The following AWAT2 variants were observed in gnomAD, a reference collection of about 807,000 sequenced individuals.
AWAT2 encodes the protein acyl-CoA wax alcohol acyltransferase 2, also known as 11-cis-RE-synthase.
A neutral mutation model predicts 22.3 loss-of-function variants in AWAT2; 9 were observed. That is an observed-to-expected ratio of 0.40 (90% confidence interval 0.24 to 0.70). The LOEUF (loss-of-function observed/expected upper bound fraction) is 0.70. AWAT2 is among the 30% of genes least tolerant of loss of function. AWAT2 has a pLI of 0.36. For synonymous variants in AWAT2, 100 were observed against 93.4 expected (o/e 1.07, Z -0.40); for missense variants, 217 against 265.9 (o/e 0.82, Z 1.28).
chrX:70,043,342 A>G, intron 4 of AWAT2, 99 bp from the exon 5 acceptor site: 2 of 1,020,378 alleles, frequency 2.0e-6, no homozygotes, highest in Non-Finnish European at 2.7e-6. Flanking sequence ...GGAGCCTAAC[A>G]TCAGGCAGGT....
At chrX:70,044,647 G>A (rs2020351450) in intron 1 of AWAT2, among the ~76,000 whole-genome samples, 185 bp from the exon 2 acceptor site, 1 of 112,107 alleles carries the variant, frequency 8.9e-6, no homozygotes, top group African/African-American at 3.2e-5. Context: ...CTTCTATCTG[G>A]CCTTGGGAAC....
In AWAT2 at chrX:70,041,853, C is replaced by T; in HGVS notation, c.957G>A (p.Lys319=). The T allele has an allele frequency of 8.3e-7, 1 of 1,211,222 alleles. No homozygotes were observed. The highest frequency in any genetic ancestry group is 1.1e-6 in the Non-Finnish European group (1 of 895,121). ...GGGTCTCTGAGATACCAAACTTGGT[C>T]TTATGCTGGTCAAACAGTTTACGTA... The part of the protein sequence containing the change: ...DALRKLFDQH[K]TKFGISETQE... Residue 319 remains lysine, a synonymous_variant, in exon 7 of 8, where the codon AAG becomes AAA. Transcript: ENST00000276101.
chrX:70,047,483 C>G (rs1371451945), intron 1 of AWAT2, among the ~76,000 whole-genome samples: 1 of 111,994 alleles, frequency 8.9e-6, no homozygotes, highest in Admixed American at 9.4e-5. Flanking sequence ...CAAACCTAGG[C>G]AGTGCTGGGG....
Position 70,041,946 on chromosome X carries a change from T to A in AWAT2, c.864A>T (p.Pro288=). 1 of 1,210,968 alleles carries A rather than the reference T, an allele frequency of 8.3e-7. No individual in the cohort carries two copies. The highest frequency in any genetic ancestry group is 2.2e-5 in the Admixed American group (1 of 46,040). ...GGCTTGGATTCTCAATCTTGGGCAT[T>A]GGTAGAGGCTCCCCGACTGCCAGGG... The part of the protein sequence containing the change: ...PVTTIVGEPL[P]MPKIENPSQE... Residue 288 remains proline (P), a synonymous_variant, in exon 7 of 8, where the codon CCA becomes CCT. Coordinates refer to ENST00000276101, the MANE Select transcript of AWAT2 (RefSeq NM_001002254.1).
At position 70,041,465 on chromosome X, in the gene AWAT2, T is replaced by C; in HGVS notation, c.*193A>G. On this transcript the variant is annotated 3_prime_UTR_variant, in exon 8 of 8. Transcript: ENST00000276101. Reference sequence around the variant, plus strand: ...TCCCAGAGCCTTCAAAACAGAGTAGTTGGTGCACACGCAGTTATCAGAAGA... The same window carrying C: ...TCCCAGAGCCTTCAAAACAGAGTAGCTGGTGCACACGCAGTTATCAGAAGA... The C allele has an allele frequency of 6.1e-6, 1 of 165,231 alleles. No homozygotes were observed. The highest frequency in any genetic ancestry group is 1.1e-5 in the Non-Finnish European group (1 of 87,865). The allele number at this position is 165,231 out of a possible 1,213,427, so 13.6% of individuals were successfully genotyped here.
intron 6 of AWAT2, 63 bp from the exon 7 acceptor site, chrX:70,042,025 G>A: frequency 8.6e-7 from 1 of 1,158,796 alleles, no homozygotes; most frequent in Non-Finnish European, 1.2e-6. Context: ...CTCAGAATGG[G>A]CCCCAGGCTT....
chrX:70,041,884 T>C lies in AWAT2; in HGVS notation c.926A>G (p.Asp309Gly), dbSNP rs2020330679. ...CTGGTCAAACAGTTTACGTAGGGCA[T>C]CAATATAGAGTGTGTGATATTTAGC... The part of the protein sequence containing the change: ...IVAKYHTLYI[D>G]ALRKLFDQHK... The change falls in exon 7 of 8, where the codon GAT becomes GGT. Residue 309 changes from aspartate to glycine, a missense_variant. Coordinates refer to ENST00000276101, the MANE Select transcript of AWAT2 (RefSeq NM_001002254.1). The C allele has an allele frequency of 1.7e-6, 2 of 1,210,415 alleles. No individual in the cohort carries two copies. The highest frequency in any genetic ancestry group is 4.3e-5 in the Admixed American group (2 of 46,035).
In AWAT2 at chrX:70,040,630, T is replaced by C. The variant is rs1295430177; in HGVS notation, c.*1028A>G. On this transcript the variant is annotated 3_prime_UTR_variant, in exon 8 of 8. Transcript: ENST00000276101. Reference sequence around the variant, plus strand: ...AAGACAGCAGAAAAGCAGAAGCATGTCTTTGGCCACTGTATACAAATCATC... The same window carrying C: ...AAGACAGCAGAAAAGCAGAAGCATGCCTTTGGCCACTGTATACAAATCATC... 4 of 112,678 alleles carry C rather than the reference T, an allele frequency of 3.5e-5. No individual in the cohort carries two copies. The highest frequency in any genetic ancestry group is 1.3e-4 in the African/African-American group (4 of 31,029). 9.3% of individuals were successfully genotyped at this position (112,678 alleles called of 1,213,427 possible).
intron 2 of AWAT2, 119 bp downstream of exon 2, chrX:70,044,233 C>T: frequency 9.0e-7 from 1 of 1,116,711 alleles, no homozygotes; most frequent in Non-Finnish European, 1.2e-6. Context: ...GCCTCTCTAG[C>T]CCAGGGAGGG....
At position 70,043,862 on chromosome X, in the gene AWAT2, C is replaced by A. The variant is rs1002915408; in HGVS notation, c.267+64G>T. The A allele has an allele frequency of 2.7e-6, 3 of 1,125,484 alleles. No homozygotes were observed. The African/African-American group carries it at 5.4e-5, about 20-fold the overall frequency. 92.8% of individuals were successfully genotyped at this position (1,125,484 alleles called of 1,213,427 possible). A position where few individuals can be genotyped will look rare whatever the true frequency, so the allele number is the denominator to read the frequency against. Reference sequence around the variant, plus strand: ...ATGGCGCCCTCCACCCCTAGCCTGACCCAACTGCTAGCACTGAAGTCGGGG... The same window carrying A: ...ATGGCGCCCTCCACCCCTAGCCTGAACCAACTGCTAGCACTGAAGTCGGGG... On this transcript the variant is annotated intron_variant, in intron 3 of 7. Transcript: ENST00000276101.
intron 6 of AWAT2, 70 bp downstream of exon 6, chrX:70,042,117 A>T (rs1342013211): frequency 9.0e-7 from 1 of 1,109,321 alleles, no homozygotes; most frequent in East Asian, 3.0e-5. Context: ...GCAGAGTCAG[A>T]GCTGAGGTTC....
intron 1 of AWAT2, among the ~76,000 whole-genome samples, chrX:70,044,667 G>A (rs755193121): frequency 8.9e-6 from 1 of 112,236 alleles, no homozygotes; most frequent in Non-Finnish European, 1.9e-5. Flanking sequence ...CCCGATTCAG[G>A]TCTAGAAGGG....
At chrX:70,043,040 C>T (rs1237581827) in intron 5 of AWAT2, 29 bp downstream of exon 5, 1 of 1,150,218 alleles carries the variant, frequency 8.7e-7, no homozygotes. Flanking sequence ...TGGATCCCTT[C>T]CGCCAGCCTG....
chrX:70,041,994 A>G, intron 6 of AWAT2, 32 bp from the exon 7 acceptor site: 1 of 1,197,686 alleles, frequency 8.3e-7, no homozygotes, highest in Non-Finnish European at 1.1e-6. Context: ...GAAAAGGGAA[A>G]AGCATCAGAA....
At position 70,042,257 on chromosome X, in the gene AWAT2, A is replaced by G; in HGVS notation, c.777T>C (p.Ala259=). ...FQSMVHIYPC[A]FYGRGFTKNS... Reference sequence around the variant, plus strand: ...TCTTGGTGAAGCCACGTCCATAGAAAGCACAAGGGTAGATGTGTACCATGC... The same window carrying G: ...TCTTGGTGAAGCCACGTCCATAGAAGGCACAAGGGTAGATGTGTACCATGC... The change falls in exon 6 of 8, where the codon GCT becomes GCC. Residue 259 remains alanine (A), a synonymous_variant. Coordinates refer to ENST00000276101, the MANE Select transcript of AWAT2 (RefSeq NM_001002254.1). 7 of 1,211,678 alleles carry G rather than the reference A, an allele frequency of 5.8e-6. No individual in the cohort carries two copies. Among genetic ancestry groups the G allele is most frequent in the Non-Finnish European group, 7.8e-6 (7 of 895,332 alleles).
intron 1 of AWAT2, among the ~76,000 whole-genome samples, chrX:70,047,092 A>G (rs1009135847): frequency 1.4e-4 from 16 of 112,267 alleles, no homozygotes; most frequent in African/African-American, 4.9e-4. Flanking sequence ...AAATAGCTCA[A>G]TTATGAATCA....
In AWAT2 at chrX:70,043,122, A is replaced by G. The variant is rs1346791688; in HGVS notation, c.594T>C (p.Ser198=). 11 of 1,197,205 alleles carry G rather than the reference A, an allele frequency of 9.2e-6. No homozygotes were observed. In the African/African-American group the frequency reaches 1.6e-4, roughly 17 times the overall value. Residue 198 remains serine (S), a synonymous_variant, in exon 5 of 8, where the codon TCT becomes TCC. Coordinates refer to ENST00000276101, the MANE Select transcript of AWAT2 (RefSeq NM_001002254.1). ...CAGACCGGTTCTTCAACACCAGGGT[A>G]GAAGAACCTGGCAGGCTGTATCTGC... is the stretch of plus-strand genomic sequence containing the variant. ...AECRYSLPGS[S]TLVLKNRSGF...
rs1458678212 is a variant in AWAT2 at position 70,043,617 on chromosome X, G to A, written c.333C>T (p.Leu111=). The A allele has an allele frequency of 8.3e-7, 1 of 1,209,072 alleles. No individual in the cohort carries two copies. ...NYILVCHPHG[L]FAHGWFGHFA... Reference sequence around the variant, plus strand: ...AGTGGCCAAACCATCCATGGGCAAAGAGCCCATGAGGGTGGCAGACGAGGA... The same window carrying A: ...AGTGGCCAAACCATCCATGGGCAAAAAGCCCATGAGGGTGGCAGACGAGGA... The change falls in exon 4 of 8, where the codon CTC becomes CTT. Residue 111 remains leucine, a synonymous_variant. Transcript: ENST00000276101.
chrX:70,042,743 G>C (rs906811302), intron 5 of AWAT2, among the ~76,000 whole-genome samples: 1 of 112,085 alleles, frequency 8.9e-6, no homozygotes, highest in African/African-American at 3.2e-5. Flanking sequence ...TGTATAGAGG[G>C]GCCGGCCCAG....
Sources: allele counts gnomAD v4.1 joint callset (sites outside exome capture counted in the v4.1 genomes callset), GRCh38; gene constraint gnomAD v4.1.1; transcripts MANE v1.5; gene names NCBI Gene and HGNC (gene_info 2026-07-23, HGNC 2026-07-21).